The following KIF26B variants were observed in gnomAD, a reference collection of about 807,000 sequenced individuals.
KIF26B encodes the protein kinesin family member 26B.
In KIF26B, 63 loss-of-function variants were observed where a neutral mutation model predicts 151.2. That is an observed-to-expected ratio of 0.42 (90% CI 0.34 to 0.51). The LOEUF is 0.51. Among genes scored for constraint, KIF26B ranks in the 20% least tolerant of loss-of-function variants. KIF26B has a pLI of 0.07. For synonymous variants in KIF26B, 1,357 were observed against 1,262.1 expected (o/e 1.08, Z -1.59); for missense variants, 2,813 against 2,913.6 (o/e 0.97, Z 0.79).
At chr1:245,503,761 G>A (rs147396687) in intron 4 of KIF26B, among the ~76,000 whole-genome samples, 23 of 152,356 alleles carry the variant, frequency 1.5e-4, no homozygotes, top group Non-Finnish European at 1.9e-4. Context: ...TGCTCTCGGC[G>A]TTGCCGCAGG....
Position 245,290,584 on chromosome 1 carries a change from C to T in KIF26B, c.466-76250C>T, listed in dbSNP as rs147521255. 4.5e-3 allele frequency among the ~76,000 whole-genome samples: 682 copies of T among 152,280 alleles called. 4 individuals are homozygous for T. Among genetic ancestry groups the T allele is most frequent in the African/African-American group, 0.015 (636 of 41,550 alleles). On this transcript the variant is annotated intron_variant, in intron 2 of 14. Transcript: ENST00000407071. The stretch of plus-strand genomic sequence containing the variant: ...GCTGGTGGGAGTGTAGCAGTGAGGA[C>T]GACCAGAGGTCACTCTCGTGGCCAT...
rs191529490 is a variant in KIF26B at position 245,185,771 on chromosome 1, A to G, written c.465+29088A>G. ...TCTAAATAACAGCCACATCGACAAA[A>G]TGCCCCCTTTGATGAGTCATGGGCT... is the stretch of plus-strand genomic sequence containing the variant. On this transcript the variant is annotated intron_variant, in intron 2 of 14. Coordinates refer to ENST00000407071, the MANE Select transcript of KIF26B (RefSeq NM_018012.4). Among the ~76,000 whole-genome samples, 544 of 152,242 alleles carry G rather than the reference A, an allele frequency of 3.6e-3. 2 individuals carry two copies. The highest frequency in any genetic ancestry group is 6.6e-3 in the Non-Finnish European group (449 of 68,002).
chr1:245,354,762 G>C (rs763699475), intron 2 of KIF26B, among the ~76,000 whole-genome samples: 2 of 152,146 alleles, frequency 1.3e-5, no homozygotes, highest in African/African-American at 4.8e-5. Flanking sequence ...GAGGAGAGCC[G>C]GCATTAGCTT....
At chr1:245,566,700 C>T (rs139563963) in intron 5 of KIF26B, among the ~76,000 whole-genome samples, 3,352 of 152,270 alleles carry the variant, frequency 0.022, 142 homozygotes, top group African/African-American at 0.076. Flanking sequence ...GAGGCCAAGG[C>T]AGGCGGATCA....
Position 245,702,864 on chromosome 1 carries a change from T to TA in KIF26B, c.*258_*259insA, listed in dbSNP as rs531699113. On this transcript the variant is annotated 3_prime_UTR_variant, in exon 15 of 15. Transcript: ENST00000407071. This position sits in a 1 kb window ranked among gnomAD's most constrained non-coding sequence, Gnocchi z 4.1. ...AAGCCCTGTGAGACTGAAAAAGCACTTTGAGGAACCTTAAAGACCTTGTTT... is the reference window on the plus strand; with the variant it reads ...AAGCCCTGTGAGACTGAAAAAGCACTATTGAGGAACCTTAAAGACCTTGTTT... 19 of 411,846 alleles carry TA rather than the reference T, an allele frequency of 4.6e-5. No individual in the cohort carries two copies. The East Asian group carries it at 6.6e-4, about 14-fold the overall frequency. 25.5% of individuals were successfully genotyped at this position (411,846 alleles called of 1,614,324 possible).
rs984439435 is a variant in KIF26B at position 245,612,054 on chromosome 1, T to G, written c.2098+78T>G. 1.3e-4 allele frequency: 85 copies of G among 677,656 alleles called. No individual in the cohort carries two copies. In the African/African-American group the frequency reaches 1.4e-3, roughly 11 times the overall value. 42.0% of individuals were successfully genotyped at this position (677,656 alleles called of 1,614,324 possible). Reference sequence around the variant, plus strand: ...GAAATCCCTTGGGCAACCATGACCTTTGTGTGTGTGTGTGTGTGTGTGTGT... The same window carrying G: ...GAAATCCCTTGGGCAACCATGACCTGTGTGTGTGTGTGTGTGTGTGTGTGT... On this transcript the variant is annotated intron_variant, in intron 9 of 14. Transcript: ENST00000407071.
At chr1:245,209,429 A>T (rs866354084) in intron 2 of KIF26B, among the ~76,000 whole-genome samples, 1 of 152,100 alleles carries the variant, frequency 6.6e-6, no homozygotes, top group Non-Finnish European at 1.5e-5. Flanking sequence ...AAAAAATAAA[A>T]AAAGAAAACA....
chr1:245,445,271 C>A (rs560017219), intron 4 of KIF26B, among the ~76,000 whole-genome samples: 2 of 152,328 alleles, frequency 1.3e-5, no homozygotes, highest in East Asian at 1.9e-4. Flanking sequence ...ATCTTCCAGG[C>A]AACCCCAGCC....
At chr1:245,437,957 A>G (rs1658974913) in intron 4 of KIF26B, among the ~76,000 whole-genome samples, 1 of 151,938 alleles carries the variant, frequency 6.6e-6, no homozygotes, top group East Asian at 1.9e-4. Context: ...TTTTTCCTCA[A>G]ACTTTTCCCT....
At chr1:245,389,654 A>T (rs540539020) in intron 3 of KIF26B, among the ~76,000 whole-genome samples, 1 of 152,300 alleles carries the variant, frequency 6.6e-6, no homozygotes, top group South Asian at 2.1e-4. Flanking sequence ...TGACGCAGTA[A>T]ATTATGTTTT....
chr1:245,271,114 T>C (rs2102963563), intron 2 of KIF26B, among the ~76,000 whole-genome samples: 1 of 152,360 alleles, frequency 6.6e-6, no homozygotes, highest in South Asian at 2.1e-4. Flanking sequence ...GGTCTGTGTG[T>C]CTGTCTTTAT....
chr1:245,477,973 C>A (rs1660078640), intron 4 of KIF26B, among the ~76,000 whole-genome samples: 1 of 151,718 alleles, frequency 6.6e-6, no homozygotes, highest in South Asian at 2.1e-4. Flanking sequence ...AACTTTATAC[C>A]ATAAACACAC....
At chr1:245,554,285 G>T (rs1193982446) in intron 5 of KIF26B, among the ~76,000 whole-genome samples, 3 of 152,148 alleles carry the variant, frequency 2.0e-5, no homozygotes, top group Non-Finnish European at 2.9e-5. Context: ...CCCTGAAAAT[G>T]CTTAGCCATA....
chr1:245,367,271 G>C lies in KIF26B; in HGVS notation c.903G>C (p.Gly301=), dbSNP rs1037625812. The C allele has an allele frequency of 6.2e-7, 1 of 1,605,232 alleles. No individual in the cohort carries two copies. The highest frequency in any genetic ancestry group is 1.7e-5 in the Admixed American group (1 of 58,672). The change falls in exon 3 of 15, where the codon GGG becomes GGC. Residue 301 remains glycine (G), a synonymous_variant. Coordinates refer to ENST00000407071, the MANE Select transcript of KIF26B (RefSeq NM_018012.4). This position sits in a 1 kb window ranked among gnomAD's most constrained non-coding sequence, Gnocchi z 4.2. ...SLQMATSPSN[G]NILNSVAIQA... ...AGATGGCCACCAGTCCAAGCAATGG[G>C]AACATCCTCAATTCGGTGGCCATCC...
intron 2 of KIF26B, among the ~76,000 whole-genome samples, chr1:245,283,342 C>T (rs1454315485): frequency 6.6e-5 from 10 of 152,116 alleles, no homozygotes; most frequent in Non-Finnish European, 1.3e-4. Flanking sequence ...GCCCAAGCCC[C>T]GACTCATCAG....
intron 2 of KIF26B, among the ~76,000 whole-genome samples, chr1:245,267,666 AC>A: frequency 6.6e-6 from 1 of 151,844 alleles, no homozygotes; most frequent in African/African-American, 2.4e-5. Context: ...ACACACACAC[AC>A]ACACACACAC....
chr1:245,266,134 G>A (rs550649544), intron 2 of KIF26B, among the ~76,000 whole-genome samples: 36 of 152,204 alleles, frequency 2.4e-4, no homozygotes, highest in African/African-American at 8.7e-4. Context: ...AAAGAAAATG[G>A]GCAAAGGACT....
chr1:245,272,047 G>T (rs75721127), intron 2 of KIF26B, among the ~76,000 whole-genome samples: 9,907 of 152,140 alleles, frequency 0.065, 369 homozygotes, highest in African/African-American at 0.085. Context: ...GATCTGTTCA[G>T]ATTTTCTGTT....
chr1:245,537,018 G>A (rs577805800), intron 4 of KIF26B, among the ~76,000 whole-genome samples: 153 of 152,318 alleles, frequency 1.0e-3, no homozygotes, highest in Non-Finnish European at 1.7e-3. Flanking sequence ...GAACATAGAC[G>A]CCCACCTCTC....
Sources: allele counts gnomAD v4.1 joint callset (sites outside exome capture counted in the v4.1 genomes callset), GRCh38; gene constraint gnomAD v4.1.1; non-coding constraint Gnocchi (gnomAD v3.1); transcripts MANE v1.5; gene names NCBI Gene and HGNC (gene_info 2026-07-23, HGNC 2026-07-21).